The following ITGB8 variants were observed in gnomAD, a reference collection of about 807,000 sequenced individuals.
The protein encoded by ITGB8 is integrin beta-8.
Under a neutral mutation model 89.5 loss-of-function variants are expected in ITGB8, and 30 were observed. That is an observed-to-expected ratio of 0.34 (90% CI 0.25 to 0.45). ITGB8 has a LOEUF of 0.45. Among genes scored for constraint, ITGB8 ranks in the 20% least tolerant of loss-of-function variants. ITGB8 has a pLI of 1.00. For missense variants in ITGB8, 836 were observed against 933.3 expected, an observed-to-expected ratio of 0.90 and a Z score of 1.36; for synonymous variants, 335 against 320.4, an observed-to-expected ratio of 1.05 and a Z score of -0.49.
intron 7 of ITGB8, 98 bp from the exon 8 acceptor site, chr7:20,394,798 A>G (rs939403773): frequency 2.4e-5 from 20 of 819,630 alleles, no homozygotes; most frequent in Non-Finnish European, 4.1e-5. Flanking sequence ...TTAATGGTTC[A>G]CCTTCAACTG....
In ITGB8 at chr7:20,331,796, T is replaced by C. The variant is rs1361404397; in HGVS notation, c.-11T>C. ...GTCAGGCGGCGGGCGCGGGGCGGGC[T>C]GTTTTGCATTATGTGCGGCTCGGCC... is the stretch of plus-strand genomic sequence containing the variant. On this transcript the variant is annotated 5_prime_UTR_variant, in exon 1 of 14. Transcript: ENST00000222573. The C allele has an allele frequency of 8.1e-6, 13 of 1,609,172 alleles. No individual in the cohort carries two copies. The Admixed American group carries it at 8.4e-5, about 10-fold the overall frequency.
chr7:20,391,495 TA>T lies in ITGB8; in HGVS notation c.1055del (p.Lys352ArgfsTer15). The T allele has an allele frequency of 6.7e-7, 1 of 1,498,214 alleles. No individual in the cohort carries two copies. 92.8% of individuals were successfully genotyped at this position (1,498,214 alleles called of 1,614,324 possible). A position where few individuals can be genotyped will look rare whatever the true frequency, so the allele number is the denominator to read the frequency against. Reference protein sequence around the residue: ...AVQGKQFHWYKDLLPLLPGTI... With the variant: ...AVQGKQFHWYXDLLPLLPGTI... ...TTCAAGGAAAACAATTTCATTGGTA[TA>T]AGGTATGTTAACTCTGAAAATGTTA... On this transcript the variant is annotated frameshift_variant and splice_region_variant, in exon 7 of 14. Coordinates refer to ENST00000222573, the MANE Select transcript of ITGB8 (RefSeq NM_002214.3). LOFTEE classifies it high-confidence loss of function.
At position 20,331,762 on chromosome 7, in the gene ITGB8, C is replaced by G. The variant is rs1376547026; in HGVS notation, c.-45C>G. ...CGCCCGGGAGGCGCGAGCCCGCGTCCGGAAGGCAGTCAGGCGGCGGGCGCG... is the reference window on the plus strand; with the variant it reads ...CGCCCGGGAGGCGCGAGCCCGCGTCGGGAAGGCAGTCAGGCGGCGGGCGCG... On this transcript the variant is annotated 5_prime_UTR_variant, in exon 1 of 14. Coordinates refer to ENST00000222573, the MANE Select transcript of ITGB8 (RefSeq NM_002214.3). The G allele has an allele frequency of 6.3e-7, 1 of 1,587,516 alleles. No homozygotes were observed. The highest frequency in any genetic ancestry group is 1.4e-5 in the African/African-American group (1 of 73,390).
intron 3 of ITGB8, among the ~76,000 whole-genome samples, chr7:20,370,016 C>A (rs1785861585): frequency 6.7e-6 from 1 of 149,932 alleles, no homozygotes; most frequent in African/African-American, 2.5e-5. Context: ...ACTAAGCATC[C>A]AAAGATATAA....
chr7:20,330,735 G>C (rs577553768), upstream of ITGB8: 7 of 152,346 alleles, frequency 4.6e-5, no homozygotes, highest in South Asian at 1.5e-3. Flanking sequence ...GCGGGCAGCC[G>C]AGGCGAGGCG....
At chr7:20,381,979 C>A in intron 6 of ITGB8, 94 bp downstream of exon 6, 4 of 1,040,192 alleles carry the variant, frequency 3.8e-6, no homozygotes, top group Admixed American at 2.2e-5. Flanking sequence ...CAGGAAATTA[C>A]CTACAAAAGA....
At chr7:20,402,226 G>A in intron 10 of ITGB8, 100 bp downstream of exon 10, 1 of 1,053,954 alleles carries the variant, frequency 9.5e-7, no homozygotes, top group Non-Finnish European at 1.3e-6. Context: ...TAGCAAAACT[G>A]AATCTGAATT....
chr7:20,345,883 G>C (rs1202614288), intron 1 of ITGB8, among the ~76,000 whole-genome samples: 3 of 152,208 alleles, frequency 2.0e-5, no homozygotes, highest in African/African-American at 7.2e-5. Flanking sequence ...GATGCATCTT[G>C]TATTGCAAAG....
chr7:20,354,924 A>G (rs1354175187), intron 1 of ITGB8, among the ~76,000 whole-genome samples: 2 of 152,156 alleles, frequency 1.3e-5, no homozygotes, highest in Admixed American at 1.3e-4. Flanking sequence ...GCAGGCAAAC[A>G]GCAATCTGTG....
chr7:20,352,194 G>A (rs1162152087), intron 1 of ITGB8: 1 of 152,156 alleles, frequency 6.6e-6, no homozygotes, highest in Non-Finnish European at 1.5e-5. Context: ...CCTTGAATCT[G>A]GATACTTTGA....
intron 1 of ITGB8, among the ~76,000 whole-genome samples, chr7:20,338,707 A>G (rs539002956): frequency 1.3e-5 from 2 of 152,294 alleles, no homozygotes; most frequent in Admixed American, 1.3e-4. Flanking sequence ...CCATTGCATA[A>G]GGTAGTCTGG....
intron 9 of ITGB8, among the ~76,000 whole-genome samples, chr7:20,401,519 C>T (rs1787309702): frequency 6.6e-6 from 1 of 152,034 alleles, no homozygotes; most frequent in African/African-American, 2.4e-5. Context: ...ATTCTTTAAC[C>T]CTCAAGTTCA....
At chr7:20,385,382 G>A (rs1010551956) in intron 6 of ITGB8, among the ~76,000 whole-genome samples, 14 of 152,176 alleles carry the variant, frequency 9.2e-5, no homozygotes, top group African/African-American at 2.7e-4. Context: ...TTTAGGCTTG[G>A]TGTTTTTCCA....
intron 2 of ITGB8, 78 bp downstream of exon 2, chr7:20,363,800 C>T (rs1299462309): frequency 1.4e-6 from 1 of 734,730 alleles, no homozygotes; most frequent in East Asian, 3.1e-5. Context: ...TATTCTGTGC[C>T]TTGAAGGTGC....
intron 1 of ITGB8, among the ~76,000 whole-genome samples, chr7:20,335,036 A>G (rs1004878799): frequency 6.6e-6 from 1 of 152,214 alleles, no homozygotes; most frequent in Admixed American, 6.5e-5. Context: ...TTCATTAACC[A>G]TCAACTCAAA....
In ITGB8 at chr7:20,398,998, T is replaced by A; in HGVS notation, c.1281+4T>A. On this transcript the variant is annotated splice_donor_region_variant and intron_variant, in intron 9 of 13. Coordinates refer to ENST00000222573, the MANE Select transcript of ITGB8 (RefSeq NM_002214.3). ...AAACGTGACGAGCAATGATGAAGTA[T>A]GTGGGTGTGCATTTTTCCCTTTTAA... 6.2e-7 allele frequency: 1 copy of A among 1,610,926 alleles called. No individual in the cohort carries two copies. The highest frequency in any genetic ancestry group is 1.1e-5 in the South Asian group (1 of 90,376).
Position 20,404,703 on chromosome 7 carries a change from C to T in ITGB8, c.1763C>T (p.Ala588Val). 6.2e-7 allele frequency: 1 copy of T among 1,614,164 alleles called. No homozygotes were observed. The highest frequency in any genetic ancestry group is 8.5e-7 in the Non-Finnish European group (1 of 1,180,026). Residue 588 changes from alanine to valine, a missense_variant, in exon 11 of 14, where the codon GCA becomes GTA. Transcript: ENST00000222573. ...WEGDRCQCPS[A>V]AAQHCVNSKG... ...GGTGATCGATGCCAGTGCCCTTCAG[C>T]AGCAGCCCAGCACTGTGTCAATTCA...
At chr7:20,370,255 C>T (rs964523882) in intron 3 of ITGB8, among the ~76,000 whole-genome samples, 1 of 151,114 alleles carries the variant, frequency 6.6e-6, no homozygotes, top group African/African-American at 2.4e-5. Flanking sequence ...TTATGTAAAC[C>T]ATAATTATAG....
rs548818851 is a variant in ITGB8, at chr7:20,408,869, A to C, written c.2024-746A>C. Among the ~76,000 whole-genome samples the C allele has an allele frequency of 2.5e-4, 38 of 152,260 alleles. No individual in the cohort carries two copies. The South Asian group carries it at 7.9e-3, about 32-fold the overall frequency. ...ACAACATTTCTTTTTCCAGCTAGTA[A>C]TTATTTGTCCTAAGCATTATTTATT... On this transcript the variant is annotated intron_variant, in intron 12 of 13. Transcript: ENST00000222573.
Sources: allele counts gnomAD v4.1 joint callset (sites outside exome capture counted in the v4.1 genomes callset), GRCh38; gene constraint gnomAD v4.1.1; transcripts MANE v1.5; gene names NCBI Gene and HGNC (gene_info 2026-07-23, HGNC 2026-07-21).